Variants in MICAL2 observed in about 807,000 individuals in gnomAD.
MICAL2 encodes [F-actin]-monooxygenase MICAL2.
Under a neutral mutation model 127.3 loss-of-function variants are expected in MICAL2, and 77 were observed. The ratio of observed to expected loss-of-function variants is 0.60; its 90% CI spans 0.50 to 0.73. The LOEUF (loss-of-function observed/expected upper bound fraction) is 0.73. Ranked by LOEUF, MICAL2 falls within the 30% of genes least tolerant of loss-of-function variation. The pLI is 0.00. For missense variants in MICAL2, 1,351 were observed against 1,434.4 expected, an observed-to-expected ratio of 0.94 and a Z score of 0.94; for synonymous variants, 570 against 551.1, an observed-to-expected ratio of 1.03 and a Z score of -0.48.
downstream of MICAL2, among the ~76,000 whole-genome samples, chr11:12,266,548 G>T (rs544834619): frequency 1.5e-4 from 23 of 152,378 alleles, no homozygotes; most frequent in African/African-American, 4.8e-4. Flanking sequence ...AGTGGGCCAA[G>T]AATTTTATGT....
intron 32 of MICAL2, among the ~76,000 whole-genome samples, chr11:12,345,325 C>G (rs1203415446): frequency 6.6e-6 from 1 of 152,156 alleles, no homozygotes; most frequent in African/African-American, 2.4e-5. Context: ...TGACCTTGGT[C>G]ATTTCTCTAA....
intron 32 of MICAL2, among the ~76,000 whole-genome samples, chr11:12,337,773 T>A (rs1188344587): frequency 1.3e-5 from 2 of 152,102 alleles, no homozygotes; most frequent in Non-Finnish European, 2.9e-5. Context: ...TTTGAGTGAG[T>A]TTCTTAATCC....
At chr11:12,341,555 G>A (rs1052081821) in intron 32 of MICAL2, among the ~76,000 whole-genome samples, 6 of 152,224 alleles carry the variant, frequency 3.9e-5, no homozygotes, top group Middle Eastern at 3.4e-3. Context: ...GGCCCGGCGC[G>A]GTGGCTTATG....
intron 1 of MICAL2, among the ~76,000 whole-genome samples, chr11:12,133,478 G>A (rs1178795879): frequency 6.6e-6 from 1 of 152,178 alleles, no homozygotes; most frequent in African/African-American, 2.4e-5. Context: ...CATGGGATAC[G>A]GGAGTAGATC....
At chr11:12,246,427 CAAG>C (rs955664174) in intron 21 of MICAL2, among the ~76,000 whole-genome samples, 6 of 152,290 alleles carry the variant, frequency 3.9e-5, no homozygotes, top group East Asian at 1.9e-4. Flanking sequence ...TGAGCTCTTG[CAAG>C]AAGAAGAAGG....
rs138534617 is a variant in MICAL2 at position 12,186,013 on chromosome 11, C to T, written c.265-18237C>T. On this transcript the variant is annotated intron_variant, in intron 3 of 27. Coordinates refer to ENST00000683283, the MANE Select transcript of MICAL2 (RefSeq NM_001282663.2). ...GTTGGCCCAGTAGCTCTGATGGAGC[C>T]CCAGCTCTGGGCACTGGCGAGCATT... Among the ~76,000 whole-genome samples the T allele has an allele frequency of 2.1e-3, 313 of 152,290 alleles. 1 individual carries two copies. The highest frequency in any genetic ancestry group is 7.2e-3 in the African/African-American group (300 of 41,562).
chr11:12,159,468 C>T (rs548178211), intron 2 of MICAL2, among the ~76,000 whole-genome samples: 1 of 152,202 alleles, frequency 6.6e-6, no homozygotes, highest in Non-Finnish European at 1.5e-5. Flanking sequence ...CTGGCTCTGC[C>T]GTCATCCACG....
At chr11:12,243,709 C>G (rs927655275) in intron 20 of MICAL2, among the ~76,000 whole-genome samples, 2 of 152,186 alleles carry the variant, frequency 1.3e-5, no homozygotes, top group African/African-American at 4.8e-5. Flanking sequence ...TAATTGGCAT[C>G]GGTGTCTGAG....
At chr11:12,271,226 T>C (rs1387458755), upstream of MICAL2, among the ~76,000 whole-genome samples, 2 of 152,246 alleles carry the variant, frequency 1.3e-5, no homozygotes, top group Non-Finnish European at 2.9e-5. Flanking sequence ...TGCAGGGTGC[T>C]GGATCCTTCT....
chr11:12,133,643 A>G (rs531209729), intron 1 of MICAL2, among the ~76,000 whole-genome samples: 1 of 152,300 alleles, frequency 6.6e-6, no homozygotes, highest in East Asian at 1.9e-4. Context: ...AGTAAAACAA[A>G]AAACACGCAA....
intron 3 of MICAL2, among the ~76,000 whole-genome samples, chr11:12,164,224 T>A (rs1169528889): frequency 1.3e-5 from 2 of 152,220 alleles, no homozygotes; most frequent in African/African-American, 4.8e-5. Context: ...GCTTCTGTGA[T>A]GCAAAGGGAA....
chr11:12,143,924 A>T lies in MICAL2; in HGVS notation c.-78+5464A>T, dbSNP rs555638653. 2.6e-5 allele frequency among the ~76,000 whole-genome samples: 4 copies of T among 152,300 alleles called. No individual in the cohort carries two copies. In the East Asian group the frequency reaches 7.7e-4, roughly 29 times the overall value. ...ATCAGATCATTAGAGTGGAAAGAAT[A>T]ATGGCGGAGAGAGAGAGGGAAAGAG... On this transcript the variant is annotated intron_variant, in intron 2 of 27. Coordinates refer to ENST00000683283, the MANE Select transcript of MICAL2 (RefSeq NM_001282663.2).
chr11:12,241,377 T>C (rs187132962), intron 18 of MICAL2, among the ~76,000 whole-genome samples: 160 of 152,322 alleles, frequency 1.1e-3, no homozygotes, highest in African/African-American at 3.7e-3. Context: ...GAGGTATCAA[T>C]TGACCAAATA....
intron 7 of MICAL2, among the ~76,000 whole-genome samples, chr11:12,213,940 G>T (rs1186718983): frequency 6.6e-6 from 1 of 152,158 alleles, no homozygotes. Flanking sequence ...GGCACCAGTT[G>T]TCACCCAGCC....
chr11:12,360,293 G>A (rs1939188594), downstream of MICAL2, among the ~76,000 whole-genome samples: 1 of 151,936 alleles, frequency 6.6e-6, no homozygotes, highest in Non-Finnish European at 1.5e-5. Flanking sequence ...CATAATTCAG[G>A]TTTTCAGGTG....
intron 21 of MICAL2, among the ~76,000 whole-genome samples, chr11:12,245,881 A>G (rs1005049796): frequency 1.3e-5 from 2 of 152,194 alleles, no homozygotes; most frequent in Admixed American, 1.3e-4. Context: ...CCTTGGCAGG[A>G]TGGTGGGAGG....
chr11:12,295,037 A>G (rs189408082), downstream of MICAL2, among the ~76,000 whole-genome samples: 58 of 152,332 alleles, frequency 3.8e-4, no homozygotes, highest in African/African-American at 1.2e-3. Context: ...GAAATTATAG[A>G]AAGTTGAAAA....
intron 10 of MICAL2, among the ~76,000 whole-genome samples, chr11:12,222,017 C>G (rs1856870406): frequency 6.6e-6 from 1 of 152,198 alleles, no homozygotes; most frequent in Admixed American, 6.5e-5. Flanking sequence ...TCTAGGTTGG[C>G]CCTGCAGCTG....
Position 12,241,022 on chromosome 11 carries a change from T to C in MICAL2, c.2215-18T>C. 1.2e-6 allele frequency: 2 copies of C among 1,612,072 alleles called. No individual in the cohort carries two copies. Among genetic ancestry groups the C allele is most frequent in the Non-Finnish European group, 1.7e-6 (2 of 1,179,050 alleles). On this transcript the variant is annotated intron_variant, in intron 17 of 27. Transcript: ENST00000683283. Reference sequence around the variant, plus strand: ...GTCTCCTGTGGCTGCTTTTTTGGACTCGCCTTTCTTCTCCCAGGAACGCCG... The same window carrying C: ...GTCTCCTGTGGCTGCTTTTTTGGACCCGCCTTTCTTCTCCCAGGAACGCCG...
Sources: allele counts gnomAD v4.1 joint callset (sites outside exome capture counted in the v4.1 genomes callset), GRCh38; gene constraint gnomAD v4.1.1; transcripts MANE v1.5; gene names NCBI Gene and HGNC (gene_info 2026-07-23, HGNC 2026-07-21).